The following PAPPA2 variants were observed in gnomAD, a reference collection of about 807,000 sequenced individuals.
PAPPA2 encodes the protein pappalysin-2.
Under a neutral mutation model 176.4 loss-of-function variants are expected in PAPPA2, and 86 were observed. The ratio of observed to expected loss-of-function variants is 0.49; its 90% confidence interval spans 0.41 to 0.58. PAPPA2 has a LOEUF of 0.58. PAPPA2 is among the 20% of genes least tolerant of loss of function. The pLI, the probability that PAPPA2 is intolerant of heterozygous loss-of-function variation, is 0.00. For missense variants in PAPPA2, 2,073 were observed against 2,256.9 expected (o/e 0.92, Z 1.65); for synonymous variants, 809 against 852.2 (o/e 0.95, Z 0.88).
chr1:176,620,946 C>A (rs1655559796), intron 3 of PAPPA2, among the ~76,000 whole-genome samples: 1 of 151,950 alleles, frequency 6.6e-6, no homozygotes, highest in Admixed American at 6.6e-5. Context: ...GTACATTCTG[C>A]CTTCAGGTAT....
intron 1 of PAPPA2, among the ~76,000 whole-genome samples, chr1:176,512,802 A>G (rs966108368): frequency 1.3e-5 from 2 of 152,228 alleles, no homozygotes; most frequent in Non-Finnish European, 2.9e-5. Context: ...AAAAACATTA[A>G]TAAAACATTT....
intron 14 of PAPPA2, among the ~76,000 whole-genome samples, chr1:176,744,650 A>G (rs536117783): frequency 4.6e-5 from 7 of 152,346 alleles, no homozygotes; most frequent in South Asian, 4.1e-4. Flanking sequence ...TGACCCATGA[A>G]AAACAGGGCC....
chr1:176,623,630 ACTTTCTTTCTTTCTTT>A (rs200126031), intron 3 of PAPPA2, among the ~76,000 whole-genome samples: 43 of 84,040 alleles, frequency 5.1e-4, no homozygotes, highest in South Asian at 2.1e-3. Flanking sequence ...TTCCTTTTTT[ACTTTCTTTCTTTCTTT>A]CTTTCTTTCT....
At chr1:176,530,669 T>A (rs1278803714) in intron 1 of PAPPA2, among the ~76,000 whole-genome samples, 2 of 152,146 alleles carry the variant, frequency 1.3e-5, no homozygotes, top group African/African-American at 4.8e-5. Flanking sequence ...AAGCTGAGAC[T>A]AAGAAACAGC....
At chr1:176,494,572 T>A (rs1647493308) in intron 1 of PAPPA2, among the ~76,000 whole-genome samples, 1 of 152,190 alleles carries the variant, frequency 6.6e-6, no homozygotes, top group Admixed American at 6.5e-5. Flanking sequence ...TCCTGTTACA[T>A]GAGCACAGTT....
At chr1:176,570,008 T>A (rs1652223936) in intron 2 of PAPPA2, among the ~76,000 whole-genome samples, 1 of 152,234 alleles carries the variant, frequency 6.6e-6, no homozygotes. Flanking sequence ...GGATATAATT[T>A]ACAACTTGGT....
chr1:176,657,323 G>A (rs906031037), intron 3 of PAPPA2, among the ~76,000 whole-genome samples: 1 of 151,926 alleles, frequency 6.6e-6, no homozygotes, highest in Non-Finnish European at 1.5e-5. Context: ...AAACATTCAC[G>A]AGAGTTAGAA....
intron 17 of PAPPA2, among the ~76,000 whole-genome samples, chr1:176,789,408 G>T (rs927655274): frequency 6.6e-6 from 1 of 151,988 alleles, no homozygotes; most frequent in Non-Finnish European, 1.5e-5. Flanking sequence ...GTTGTGGGGT[G>T]GGGGGAGTGG....
chr1:176,770,934 T>G, intron 16 of PAPPA2, 33 bp from the exon 17 acceptor site: 2 of 1,594,916 alleles, frequency 1.3e-6, no homozygotes, highest in Non-Finnish European at 1.7e-6. Context: ...CTCTCTGTTC[T>G]GAGCATCTTG....
In PAPPA2 at chr1:176,687,562, G is replaced by A. The variant is rs1156359751; in HGVS notation, c.2138-2575G>A. ...CACTCCTGGTCATCCCTCCTTTCTT[G>A]GCATATGTTGATTTTGCCATCCTTT... is the stretch of plus-strand genomic sequence containing the variant. On this transcript the variant is annotated intron_variant, in intron 4 of 22. Coordinates refer to ENST00000367662, the MANE Select transcript of PAPPA2 (RefSeq NM_020318.3). Among the ~76,000 whole-genome samples, 3 of 151,960 alleles carry A rather than the reference G, an allele frequency of 2.0e-5. No individual in the cohort carries two copies. The East Asian group carries it at 5.8e-4, about 29-fold the overall frequency.
chr1:176,574,269 G>A (rs1446609595), intron 2 of PAPPA2, among the ~76,000 whole-genome samples: 2 of 152,138 alleles, frequency 1.3e-5, no homozygotes, highest in Non-Finnish European at 2.9e-5. Context: ...AGCATAATAA[G>A]TACTGTTTTA....
intron 1 of PAPPA2, among the ~76,000 whole-genome samples, chr1:176,502,399 A>T (rs2102510526): frequency 6.6e-6 from 1 of 152,320 alleles, no homozygotes; most frequent in East Asian, 1.9e-4. Flanking sequence ...TATTCTATCT[A>T]AAACTTTCTT....
intron 2 of PAPPA2, among the ~76,000 whole-genome samples, chr1:176,571,208 C>T (rs1232657168): frequency 6.6e-6 from 1 of 152,196 alleles, no homozygotes; most frequent in Non-Finnish European, 1.5e-5. Context: ...ATGACCCACC[C>T]ATTACCTGCT....
intron 3 of PAPPA2, among the ~76,000 whole-genome samples, chr1:176,597,494 T>C (rs1558462609): frequency 6.6e-6 from 1 of 151,560 alleles, no homozygotes. Context: ...TGAGAACACA[T>C]GGACACAGGG....
chr1:176,686,251 G>T (rs1179274662), intron 4 of PAPPA2, among the ~76,000 whole-genome samples: 2 of 152,126 alleles, frequency 1.3e-5, no homozygotes, highest in Admixed American at 6.6e-5. Context: ...AGTACGGTTT[G>T]GGGGTCCTCA....
chr1:176,717,548 C>T (rs1275231670), intron 12 of PAPPA2, among the ~76,000 whole-genome samples: 4 of 152,218 alleles, frequency 2.6e-5, no homozygotes, highest in Admixed American at 1.3e-4. Flanking sequence ...ATGAGAGTAG[C>T]GGTACCTCTG....
intron 2 of PAPPA2, among the ~76,000 whole-genome samples, chr1:176,581,120 A>T (rs1471799443): frequency 6.6e-6 from 1 of 152,098 alleles, no homozygotes; most frequent in African/African-American, 2.4e-5. Context: ...TCTTTAACCC[A>T]TTTTGAAATT....
chr1:176,521,034 A>G (rs1284584786), intron 1 of PAPPA2, among the ~76,000 whole-genome samples: 1 of 151,880 alleles, frequency 6.6e-6, no homozygotes, highest in Non-Finnish European at 1.5e-5. Context: ...AAGTAGAGGG[A>G]TGCTCTGAGG....
intron 15 of PAPPA2, among the ~76,000 whole-genome samples, 154 bp from the exon 16 acceptor site, chr1:176,769,453 T>C (rs979960458): frequency 2.0e-5 from 3 of 152,212 alleles, no homozygotes; most frequent in African/African-American, 7.2e-5. Flanking sequence ...GAATGTATAT[T>C]AAAACAGTGA....
Sources: gnomAD v4.1 joint callset for allele counts (sites outside exome capture counted in the v4.1 genomes callset) on GRCh38, gnomAD v4.1.1 for gene constraint, MANE v1.5 for transcripts, NCBI Gene and HGNC (gene_info 2026-07-23, HGNC 2026-07-21) for gene names.